Variants in DLG2 observed in about 807,000 individuals in gnomAD.
DLG2 encodes disks large homolog 2.
A neutral mutation model predicts 132.5 loss-of-function variants in DLG2; 45 were observed. The ratio of observed to expected loss-of-function variants is 0.34; its 90% CI spans 0.27 to 0.44. The LOEUF is 0.44. Among genes scored for constraint, DLG2 ranks in the 20% least tolerant of loss-of-function variants. The pLI, the probability that DLG2 is intolerant of heterozygous loss-of-function variation, is 1.00. For synonymous variants in DLG2, 424 were observed against 419.6 expected, an observed-to-expected ratio of 1.01 and a Z score of -0.13; for missense variants, 1,045 against 1,196.9, an observed-to-expected ratio of 0.87 and a Z score of 1.87.
intron 4 of DLG2, among the ~76,000 whole-genome samples, chr11:85,192,173 C>A (rs1234689309): frequency 6.6e-6 from 1 of 152,146 alleles, no homozygotes. Context: ...CTTACTAGTA[C>A]CATGACCTTG....
chr11:84,531,172 C>A (rs1374019021), intron 7 of DLG2, among the ~76,000 whole-genome samples: 1 of 152,082 alleles, frequency 6.6e-6, no homozygotes, highest in Admixed American at 6.6e-5. Context: ...ATATTCTTTG[C>A]AGTAACATAG....
At chr11:83,893,532 G>C (rs2070648495) in intron 15 of DLG2, among the ~76,000 whole-genome samples, 1 of 152,172 alleles carries the variant, frequency 6.6e-6, no homozygotes, top group Non-Finnish European at 1.5e-5. Flanking sequence ...TTTTCATTCA[G>C]ATCCCTGAGA....
At chr11:85,007,489 T>C (rs567525075) in intron 6 of DLG2, among the ~76,000 whole-genome samples, 105 of 150,044 alleles carry the variant, frequency 7.0e-4, no homozygotes, top group African/African-American at 2.4e-3. Flanking sequence ...TGAAACCCCA[T>C]CTCTACTAAA....
intron 18 of DLG2, among the ~76,000 whole-genome samples, chr11:83,764,946 C>T (rs1426780124): frequency 3.3e-5 from 5 of 152,078 alleles, no homozygotes; most frequent in Admixed American, 2.6e-4. Context: ...TAGGTGTGGT[C>T]AGGCAGAGAT....
intron 18 of DLG2, among the ~76,000 whole-genome samples, chr11:83,782,852 A>C (rs1216928972): frequency 6.6e-6 from 1 of 152,142 alleles, no homozygotes; most frequent in Non-Finnish European, 1.5e-5. Context: ...GTTTCTGGGA[A>C]GGGTAAGGAA....
chr11:83,456,654 C>CCA lies in DLG2; in HGVS notation c.*3163_*3164insTG, dbSNP rs2089032311. The CCA allele has an allele frequency of 7.0e-6, 1 of 142,928 alleles. No homozygotes were observed. The highest frequency in any genetic ancestry group is 1.5e-5 in the Non-Finnish European group (1 of 65,298). 8.9% of individuals were successfully genotyped at this position (142,928 alleles called of 1,614,324 possible). ...AGGAGGAATAGGAAAAGGAGAGGAA[C>CCA]AAAAAAAAAAAGAGATGGAATTAGT... is the stretch of plus-strand genomic sequence containing the variant. On this transcript the variant is annotated 3_prime_UTR_variant, in exon 28 of 28. Coordinates refer to ENST00000376104, the MANE Select transcript of DLG2 (RefSeq NM_001142699.3).
At chr11:84,108,881 A>C (rs2093153768) in intron 9 of DLG2, among the ~76,000 whole-genome samples, 1 of 152,094 alleles carries the variant, frequency 6.6e-6, no homozygotes, top group South Asian at 2.1e-4. Context: ...CATAATTTGA[A>C]GGTAGAAATG....
At chr11:84,019,832 A>G (rs2095338213) in intron 11 of DLG2, among the ~76,000 whole-genome samples, 1 of 152,192 alleles carries the variant, frequency 6.6e-6, no homozygotes. Context: ...TCTCTCTCAC[A>G]GTCTTCAGAA....
At chr11:83,861,821 C>T (rs1011346923) in intron 16 of DLG2, among the ~76,000 whole-genome samples, 1 of 152,006 alleles carries the variant, frequency 6.6e-6, no homozygotes, top group Non-Finnish European at 1.5e-5. Context: ...CATAGCACAA[C>T]AGGGTGAGTA....
intron 6 of DLG2, among the ~76,000 whole-genome samples, chr11:84,921,347 T>A (rs139087620): frequency 6.6e-6 from 1 of 152,276 alleles, no homozygotes; most frequent in African/African-American, 2.4e-5. Context: ...TTTGTGGCAA[T>A]GCATATGGTC....
At chr11:84,703,870 A>ATATATATATATATATG (rs1272395081) in intron 6 of DLG2, among the ~76,000 whole-genome samples, 29 of 122,750 alleles carry the variant, frequency 2.4e-4, no homozygotes, top group African/African-American at 1.0e-3. Flanking sequence ...ATATATATAT[A>ATATATATATATATATG]TATATATATA....
intron 7 of DLG2, among the ~76,000 whole-genome samples, chr11:84,361,097 A>T (rs1033001344): frequency 2.6e-5 from 4 of 151,940 alleles, no homozygotes; most frequent in African/African-American, 9.7e-5. Context: ...ACACTGGAAC[A>T]AAATGAACAG....
intron 6 of DLG2, among the ~76,000 whole-genome samples, chr11:84,959,069 G>A (rs184005135): frequency 2.0e-4 from 30 of 152,222 alleles, no homozygotes; most frequent in African/African-American, 5.5e-4. Context: ...CATTAGAGAC[G>A]CTTCCCACCA....
chr11:85,537,940 C>T (rs1382292243), intron 3 of DLG2, among the ~76,000 whole-genome samples: 3 of 151,730 alleles, frequency 2.0e-5, no homozygotes, highest in Non-Finnish European at 4.4e-5. Context: ...CACAGTGAAA[C>T]CCCGTCTCTA....
At chr11:85,447,129 T>C (rs1417119708) in intron 3 of DLG2, among the ~76,000 whole-genome samples, 3 of 152,164 alleles carry the variant, frequency 2.0e-5, no homozygotes, top group Non-Finnish European at 2.9e-5. Flanking sequence ...ACTAGTTGTA[T>C]AACTAATCTT....
chr11:84,533,965 A>G (rs951138365), intron 7 of DLG2, among the ~76,000 whole-genome samples: 2 of 149,756 alleles, frequency 1.3e-5, no homozygotes, highest in African/African-American at 2.4e-5. Context: ...GCCAAGGGGC[A>G]TAGAAAAGTA....
At chr11:84,566,477 C>G (rs1482079608) in intron 6 of DLG2, among the ~76,000 whole-genome samples, 1 of 152,180 alleles carries the variant, frequency 6.6e-6, no homozygotes, top group Non-Finnish European at 1.5e-5. Flanking sequence ...GTCCCTCTCT[C>G]TCATCTGTCT....
intron 6 of DLG2, among the ~76,000 whole-genome samples, chr11:84,976,063 T>G (rs1592101356): frequency 6.6e-6 from 1 of 152,200 alleles, no homozygotes; most frequent in African/African-American, 2.4e-5. Context: ...TCTGGCTGAC[T>G]TAGCCACATC....
intron 15 of DLG2, among the ~76,000 whole-genome samples, chr11:83,881,031 G>GT (rs1254091782): frequency 2.7e-5 from 2 of 75,128 alleles, no homozygotes; most frequent in South Asian, 6.2e-4. Context: ...AGTAATAGTG[G>GT]TTTTTTCCAT....
Sources: gnomAD v4.1 joint callset for allele counts (sites outside exome capture counted in the v4.1 genomes callset) on GRCh38, gnomAD v4.1.1 for gene constraint, MANE v1.5 for transcripts, NCBI Gene and HGNC (gene_info 2026-07-23, HGNC 2026-07-21) for gene names.